The following SLC25A21 variants were observed in gnomAD, a reference collection of about 807,000 sequenced individuals.
The protein encoded by SLC25A21 is mitochondrial 2-oxodicarboxylate carrier.
Under a neutral mutation model 43.8 loss-of-function variants are expected in SLC25A21, and 47 were observed. The ratio of observed to expected loss-of-function variants is 1.07; its 90% confidence interval spans 0.85 to 1.37. The LOEUF is 1.37. SLC25A21 is among the 40% of genes most tolerant of loss of function. SLC25A21 has a pLI of 0.00. For synonymous variants in SLC25A21, 131 were observed against 121.3 expected (o/e 1.08, Z -0.52); for missense variants, 352 against 350.2 (o/e 1.00, Z -0.04).
chr14:36,698,427 T>C (rs1040296102), intron 7 of SLC25A21, among the ~76,000 whole-genome samples: 1 of 152,212 alleles, frequency 6.6e-6, no homozygotes, highest in African/African-American at 2.4e-5. Context: ...TTTTGTGGTG[T>C]TCTCTGTATT....
In SLC25A21 at chr14:36,684,919, T is replaced by C. The variant is rs368483580; in HGVS notation, c.610A>G (p.Ile204Val). The change falls in exon 8 of 10, where the codon ATC becomes GTC. Residue 204 changes from isoleucine (I) to valine (V), a missense_variant. Physicochemically the swap from Ile to Val is conservative, Grantham distance 29. Transcript: ENST00000331299. ...KNMIPVNKDP[I>V]LEFWRKFGIG... is the part of the protein sequence containing the mutation. ...CCAAATTTTCTCCAAAACTCCAAGA[T>C]TGGATCCTAAAAGAAAAGAAGAATA... 13 of 1,607,548 alleles carry C rather than the reference T, an allele frequency of 8.1e-6. No individual in the cohort carries two copies. The highest frequency in any genetic ancestry group is 5.2e-5 in the Admixed American group (3 of 57,956).
chr14:37,060,385 A>G (rs1961920167), intron 1 of SLC25A21, among the ~76,000 whole-genome samples: 2 of 122,610 alleles, frequency 1.6e-5, no homozygotes, highest in Admixed American at 1.7e-4. Context: ...CTCTCTAATA[A>G]TAATAATAAT....
chr14:36,874,875 A>G, intron 2 of SLC25A21, 81 bp downstream of exon 2: 1 of 1,147,450 alleles, frequency 8.7e-7, no homozygotes, highest in Non-Finnish European at 1.3e-6. Context: ...GCCTGGGACA[A>G]GTCCTAGCAT....
At chr14:37,118,953 T>C (rs1490340724) in intron 1 of SLC25A21, among the ~76,000 whole-genome samples, 2 of 152,096 alleles carry the variant, frequency 1.3e-5, no homozygotes, top group Non-Finnish European at 2.9e-5. Context: ...TAGCACAAGA[T>C]ACAAGTCACA....
chr14:37,169,580 A>AACAC (rs1321339179), intron 1 of SLC25A21, among the ~76,000 whole-genome samples: 5,629 of 145,116 alleles, frequency 0.039, 216 homozygotes, highest in Admixed American at 0.099. Flanking sequence ...AAAAGGTCAT[A>AACAC]ACACACACAC....
intron 1 of SLC25A21, among the ~76,000 whole-genome samples, chr14:37,137,966 T>C (rs958799967): frequency 6.6e-6 from 1 of 152,204 alleles, no homozygotes; most frequent in African/African-American, 2.4e-5. Context: ...AGTATTAGTA[T>C]TTGCCTTTAA....
intron 3 of SLC25A21, among the ~76,000 whole-genome samples, chr14:36,780,814 T>C (rs1421369861): frequency 2.6e-5 from 4 of 152,132 alleles, no homozygotes; most frequent in Admixed American, 2.6e-4. Context: ...TTTGATAGAA[T>C]GTTCTGTACT....
intron 2 of SLC25A21, among the ~76,000 whole-genome samples, chr14:36,858,186 AGAAGT>A (rs1889958870): frequency 6.6e-6 from 1 of 152,250 alleles, no homozygotes; most frequent in East Asian, 1.9e-4. Context: ...TTCTCTCCCC[AGAAGT>A]GAATGACCCA....
chr14:37,091,909 T>C (rs1884220), intron 1 of SLC25A21, among the ~76,000 whole-genome samples: 20,292 of 152,018 alleles, frequency 0.13, 3,748 homozygotes, highest in African/African-American at 0.41. Context: ...GGGCAGATCA[T>C]TTGTGGTCAG....
intron 2 of SLC25A21, among the ~76,000 whole-genome samples, chr14:36,845,419 A>G (rs1284379861): frequency 6.6e-6 from 1 of 152,220 alleles, no homozygotes; most frequent in African/African-American, 2.4e-5. Context: ...TATCCTTGAG[A>G]TTCATTGTAA....
chr14:36,753,927 G>GA (rs1885815375), intron 3 of SLC25A21, among the ~76,000 whole-genome samples: 2 of 110,750 alleles, frequency 1.8e-5, no homozygotes, highest in Admixed American at 1.6e-4. Flanking sequence ...GACAGAGAGA[G>GA]AGAGAGAGAG....
At chr14:37,159,965 T>C (rs970638714) in intron 1 of SLC25A21, among the ~76,000 whole-genome samples, 2 of 151,978 alleles carry the variant, frequency 1.3e-5, no homozygotes, top group African/African-American at 4.8e-5. Context: ...TATGAAAAAA[T>C]GGTCGGCATC....
At chr14:36,995,812 A>C (rs2138718448) in intron 1 of SLC25A21, among the ~76,000 whole-genome samples, 1 of 152,278 alleles carries the variant, frequency 6.6e-6, no homozygotes, top group South Asian at 2.1e-4. Flanking sequence ...AGTTTTTAAA[A>C]GTTTTGACAC....
intron 1 of SLC25A21, among the ~76,000 whole-genome samples, chr14:37,145,703 A>C (rs1009065213): frequency 2.0e-5 from 3 of 152,258 alleles, no homozygotes; most frequent in African/African-American, 4.8e-5. Flanking sequence ...TGAGAAAACA[A>C]ACCTACCTCC....
At chr14:37,030,572 C>T (rs772107551) in intron 1 of SLC25A21, among the ~76,000 whole-genome samples, 1 of 152,132 alleles carries the variant, frequency 6.6e-6, no homozygotes, top group Non-Finnish European at 1.5e-5. Context: ...GATTAGCCTC[C>T]TAAGATATTA....
intron 7 of SLC25A21, among the ~76,000 whole-genome samples, chr14:36,708,777 G>A (rs1419307783): frequency 7.2e-6 from 1 of 138,456 alleles, no homozygotes; most frequent in Non-Finnish European, 1.5e-5. Flanking sequence ...TAGCGATGAG[G>A]TCTCACTATG....
At chr14:37,116,331 C>T (rs1963105655) in intron 1 of SLC25A21, among the ~76,000 whole-genome samples, 1 of 152,124 alleles carries the variant, frequency 6.6e-6, no homozygotes, top group Non-Finnish European at 1.5e-5. Flanking sequence ...TTACAATTTA[C>T]TACCTTACAA....
chr14:36,933,069 T>C (rs1332582770), intron 1 of SLC25A21, among the ~76,000 whole-genome samples: 1 of 152,048 alleles, frequency 6.6e-6, no homozygotes, highest in Admixed American at 6.6e-5. Context: ...GAAGGTTAAA[T>C]CCCAAGATGA....
intron 3 of SLC25A21, among the ~76,000 whole-genome samples, chr14:36,780,601 C>T (rs1002910892): frequency 3.3e-5 from 5 of 151,918 alleles, no homozygotes; most frequent in Non-Finnish European, 5.9e-5. Context: ...TTGTTCAGGA[C>T]TGTGTTAATT....
Sources: allele counts gnomAD v4.1 joint callset (sites outside exome capture counted in the v4.1 genomes callset), GRCh38; gene constraint gnomAD v4.1.1; transcripts MANE v1.5; gene names NCBI Gene and HGNC (gene_info 2026-07-23, HGNC 2026-07-21).